Variants in HS3ST3A1 observed in about 807,000 individuals in gnomAD.
The protein encoded by HS3ST3A1 is heparan sulfate-glucosamine 3-sulfotransferase 3A1, also known as heparan sulfate glucosamine 3-O-sulfotransferase 3A1.
A neutral mutation model predicts 25.7 loss-of-function variants in HS3ST3A1; 19 were observed. The ratio of observed to expected loss-of-function variants is 0.74; its 90% CI spans 0.52 to 1.08. The LOEUF (loss-of-function observed/expected upper bound fraction) is 1.08. Among genes scored for constraint, HS3ST3A1 ranks in the 50% least tolerant of loss-of-function variants. The pLI, the probability that HS3ST3A1 is intolerant of heterozygous loss-of-function variation, is 0.00. For synonymous variants in HS3ST3A1, 226 were observed against 278.6 expected, an observed-to-expected ratio of 0.81 and a Z score of 1.88; for missense variants, 459 against 594.3, an observed-to-expected ratio of 0.77 and a Z score of 2.37.
At position 13,527,525 on chromosome 17, in the gene HS3ST3A1, C is replaced by T. The variant is rs115740335; in HGVS notation, c.600-30707G>A. 8.6e-3 allele frequency among the ~76,000 whole-genome samples: 1,304 copies of T among 152,250 alleles called. 22 individuals carry two copies. The highest frequency in any genetic ancestry group is 0.03 in the African/African-American group (1,240 of 41,542). On this transcript the variant is annotated intron_variant, in intron 1 of 1. Coordinates refer to ENST00000284110, the MANE Select transcript of HS3ST3A1 (RefSeq NM_006042.3). ...AAGGCATTATCCATCACCCCAGGAG[C>T]GGAGTGGACCCTGGTGGGAGAGTGA...
chr17:13,560,319 A>AAAAAAAT (rs1907502490), intron 1 of HS3ST3A1, among the ~76,000 whole-genome samples: 1 of 143,922 alleles, frequency 6.9e-6, no homozygotes, highest in Non-Finnish European at 1.5e-5. Flanking sequence ...AAAAAAAAAA[A>AAAAAAAT]GTGTATTACC....
chr17:13,535,598 C>G (rs1207454768), intron 1 of HS3ST3A1, among the ~76,000 whole-genome samples: 4 of 151,938 alleles, frequency 2.6e-5, no homozygotes, highest in Admixed American at 2.6e-4. Flanking sequence ...AGCAAGTAGG[C>G]AAATTTGCAG....
rs1905230614 is a variant in HS3ST3A1 at position 13,495,066 on chromosome 17, G to A, written c.*1131C>T. On this transcript the variant is annotated 3_prime_UTR_variant, in exon 2 of 2. Transcript: ENST00000284110. ...AAGTGAGATATTACAAAGAAAGGTA[G>A]GTTTTCTCTCTTTAAAAAGAGGTAA... Among the ~76,000 whole-genome samples the A allele has an allele frequency of 6.6e-6, 1 of 151,894 alleles. No homozygotes were observed.
chr17:13,595,376 A>T (rs1482743583), intron 1 of HS3ST3A1, among the ~76,000 whole-genome samples: 1 of 152,176 alleles, frequency 6.6e-6, no homozygotes, highest in Non-Finnish European at 1.5e-5. Flanking sequence ...ACTTAATAAC[A>T]TTCCTCTCAT....
In HS3ST3A1 at chr17:13,494,378, G is replaced by T. The variant is rs1174766191; in HGVS notation, c.*1819C>A. Among the ~76,000 whole-genome samples the T allele has an allele frequency of 6.6e-6, 1 of 152,148 alleles. No individual in the cohort carries two copies. The highest frequency in any genetic ancestry group is 1.5e-5 in the Non-Finnish European group (1 of 68,014). ...GATAAATCCAAAGATTTGGAGCAAT[G>T]ACAAAATATCTAACACTTAAAATAT... is the stretch of plus-strand genomic sequence containing the variant. On this transcript the variant is annotated 3_prime_UTR_variant, in exon 2 of 2. Transcript: ENST00000284110.
chr17:13,506,074 GTTACTTTTTTTT>G (rs1184635239), intron 1 of HS3ST3A1, among the ~76,000 whole-genome samples: 2 of 144,538 alleles, frequency 1.4e-5, no homozygotes, highest in Non-Finnish European at 3.0e-5. Flanking sequence ...TAGAGTTGGA[GTTACTTTTTTTT>G]TTTTTTTTTT....
Position 13,600,686 on chromosome 17 carries a change from G to A in HS3ST3A1, c.444C>T (p.Gly148=), listed in dbSNP as rs758817855. The A allele has an allele frequency of 2.5e-6, 4 of 1,581,842 alleles. No individual in the cohort carries two copies. The Admixed American group carries it at 6.9e-5, about 27-fold the overall frequency. ...TGATGGCCTGCGGCAGCTGCTTGCT[G>A]CCTTCGTCCAGGAGCAGCGCCAGGG... ...PGTLALLLDE[G]SKQLPQAIII... The change falls in exon 1 of 2, where the codon GGC becomes GGT. Residue 148 remains glycine (G), a synonymous_variant. Coordinates refer to ENST00000284110, the MANE Select transcript of HS3ST3A1 (RefSeq NM_006042.3).
In HS3ST3A1 at chr17:13,550,308, C is replaced by T. The variant is rs548140743; in HGVS notation, c.599+50223G>A. Among the ~76,000 whole-genome samples, 274 of 152,328 alleles carry T rather than the reference C, an allele frequency of 1.8e-3. 1 individual carries two copies. The highest frequency in any genetic ancestry group is 2.8e-3 in the Admixed American group (43 of 15,300). Reference sequence around the variant, plus strand: ...CCTCTTCTTCCTGAGAACACAGCTACACCTCATTTGCCAACCTCCCTTCCA... The same window carrying T: ...CCTCTTCTTCCTGAGAACACAGCTATACCTCATTTGCCAACCTCCCTTCCA... On this transcript the variant is annotated intron_variant, in intron 1 of 1. Transcript: ENST00000284110.
chr17:13,531,462 T>C (rs1235202999), intron 1 of HS3ST3A1, among the ~76,000 whole-genome samples: 1 of 152,050 alleles, frequency 6.6e-6, no homozygotes, highest in African/African-American at 2.4e-5. Flanking sequence ...TTTGTCCCCT[T>C]TAAAAGTGTT....
intron 1 of HS3ST3A1, among the ~76,000 whole-genome samples, chr17:13,566,465 T>C (rs900578821): frequency 3.2e-4 from 48 of 152,158 alleles, no homozygotes; most frequent in African/African-American, 1.1e-3. Context: ...TTATAAATGT[T>C]CAAGGGAAAG....
chr17:13,501,146 T>C (rs1216699308), intron 1 of HS3ST3A1, among the ~76,000 whole-genome samples: 2 of 152,140 alleles, frequency 1.3e-5, no homozygotes, highest in African/African-American at 4.8e-5. Context: ...AGGTATGAAG[T>C]TTGAGTTTCG....
At chr17:13,575,110 T>G (rs1342186310) in intron 1 of HS3ST3A1, among the ~76,000 whole-genome samples, 1 of 152,172 alleles carries the variant, frequency 6.6e-6, no homozygotes, top group East Asian at 1.9e-4. Context: ...CCCCATTTGC[T>G]TTAGCATACC....
intron 1 of HS3ST3A1, among the ~76,000 whole-genome samples, chr17:13,558,716 A>C (rs985229888): frequency 1.3e-5 from 2 of 152,210 alleles, no homozygotes; most frequent in Non-Finnish European, 2.9e-5. Context: ...CCATTTGCAG[A>C]CTTAATATAT....
At chr17:13,597,782 C>G (rs760032985) in intron 1 of HS3ST3A1, among the ~76,000 whole-genome samples, 6 of 152,168 alleles carry the variant, frequency 3.9e-5, no homozygotes, top group Non-Finnish European at 5.9e-5. Flanking sequence ...GAAAAAACTT[C>G]ATAAAGTATT....
chr17:13,567,300 C>T (rs549661100), intron 1 of HS3ST3A1, among the ~76,000 whole-genome samples: 36 of 152,278 alleles, frequency 2.4e-4, no homozygotes, highest in Admixed American at 5.2e-4. Flanking sequence ...AAAAGATATC[C>T]ATCTAAATAT....
chr17:13,541,322 G>A (rs1906925240), intron 1 of HS3ST3A1, among the ~76,000 whole-genome samples: 1 of 152,118 alleles, frequency 6.6e-6, no homozygotes, highest in Non-Finnish European at 1.5e-5. Context: ...ATCTTACTTT[G>A]GACTCTTAAT....
intron 1 of HS3ST3A1, among the ~76,000 whole-genome samples, chr17:13,551,035 C>A (rs1907225636): frequency 6.8e-6 from 1 of 147,426 alleles, no homozygotes; most frequent in Non-Finnish European, 1.5e-5. Context: ...TCACTGCACT[C>A]CAGCCTGGGC....
At chr17:13,560,384 CTG>C (rs1567623933) in intron 1 of HS3ST3A1, among the ~76,000 whole-genome samples, 1 of 144,828 alleles carries the variant, frequency 6.9e-6, no homozygotes, top group East Asian at 2.1e-4. Flanking sequence ...CTTTGCTTCT[CTG>C]TGTGTGTGTA....
chr17:13,534,272 C>T (rs73294006), intron 1 of HS3ST3A1, among the ~76,000 whole-genome samples: 4,353 of 152,126 alleles, frequency 0.029, 239 homozygotes, highest in African/African-American at 0.099. Flanking sequence ...TACTCAAAAA[C>T]GGAAAAGATT....
Sources: allele counts gnomAD v4.1 joint callset (sites outside exome capture counted in the v4.1 genomes callset), GRCh38; gene constraint gnomAD v4.1.1; transcripts MANE v1.5; gene names NCBI Gene and HGNC (gene_info 2026-07-23, HGNC 2026-07-21).